Variants in DNAI7 observed in about 807,000 individuals in gnomAD.
DNAI7 encodes dynein axonemal intermediate chain 7.
In DNAI7, 78 loss-of-function variants were observed where a neutral mutation model predicts 86.6. The ratio of observed to expected loss-of-function variants is 0.90; its 90% CI spans 0.75 to 1.09. The LOEUF (loss-of-function observed/expected upper bound fraction) is 1.09. DNAI7 is among the 50% of genes least tolerant of loss of function. The pLI is 0.00. For missense variants in DNAI7, 753 were observed against 810.2 expected, an observed-to-expected ratio of 0.93 and a Z score of 0.86; for synonymous variants, 274 against 273.0, an observed-to-expected ratio of 1.00 and a Z score of -0.04.
rs745474771 is a variant in DNAI7 at position 25,195,114 on chromosome 12, C to G, written c.-36G>C. 1.2e-5 allele frequency: 19 copies of G among 1,609,518 alleles called. No individual in the cohort carries two copies. In the South Asian group the frequency reaches 2.1e-4, roughly 18 times the overall value. On this transcript the variant is annotated 5_prime_UTR_variant, in exon 1 of 16. Transcript: ENST00000395987. The stretch of plus-strand genomic sequence containing the variant: ...GCTCCACTGCAGTAGTCCGCAGAGT[C>G]GGAGCAGAAATTGTGTGGACAAACG...
intron 4 of DNAI7, among the ~76,000 whole-genome samples, chr12:25,155,883 G>A (rs1946099736): frequency 6.6e-6 from 1 of 152,170 alleles, no homozygotes; most frequent in African/African-American, 2.4e-5. Flanking sequence ...GCTGAGGCAG[G>A]CGGATCACTT....
At position 25,110,240 on chromosome 12, in the gene DNAI7, C is replaced by T. The variant is rs147804605; in HGVS notation, c.1780G>A (p.Val594Ile). Reference sequence around the variant, plus strand: ...TAAGCTTTCACTTCTACCAAAGGAACCTGTCAATATAAAAACAAATAGAAT... The same window carrying T: ...TAAGCTTTCACTTCTACCAAAGGAATCTGTCAATATAAAAACAAATAGAAT... ...SHFYVIINNKVPLVEVKAYRQ... is the reference protein window; with the variant it reads ...SHFYVIINNKIPLVEVKAYRQ... The change falls in exon 15 of 16, where the codon GTT becomes ATT. Residue 594 changes from valine (V) to isoleucine (I), a missense_variant and splice_region_variant. Transcript: ENST00000395987. The T allele has an allele frequency of 6.5e-6, 10 of 1,548,992 alleles. No homozygotes were observed. The African/African-American group carries it at 1.1e-4, about 17-fold the overall frequency.
intron 5 of DNAI7, 48 bp from the exon 6 acceptor site, chr12:25,154,504 A>G (rs1211596150): frequency 6.4e-7 from 1 of 1,564,052 alleles, no homozygotes; most frequent in East Asian, 2.3e-5. Flanking sequence ...AGATTCAACC[A>G]AAGATTAAAT....
At chr12:25,194,589 A>G (rs1267106199) in intron 1 of DNAI7, among the ~76,000 whole-genome samples, 1 of 152,218 alleles carries the variant, frequency 6.6e-6, no homozygotes, top group Non-Finnish European at 1.5e-5. Context: ...AAGCCTTATC[A>G]TATTTAACTA....
rs116901987 is a variant in DNAI7, at chr12:25,111,653, T to C, written c.1779+119A>G. The C allele has an allele frequency of 7.5e-3, 3,270 of 436,054 alleles. 19 individuals carry two copies. Among genetic ancestry groups the C allele is most frequent in the Middle Eastern group, 0.022 (25 of 1,114 alleles). 27.0% of individuals were successfully genotyped at this position (436,054 alleles called of 1,614,324 possible). A position where few individuals can be genotyped will look rare whatever the true frequency, so the allele number is the denominator to read the frequency against. The stretch of plus-strand genomic sequence containing the variant: ...TCTGGTCTTTTCACTTATTTCTTTA[T>C]AATACTGTATAAATGAATATATAAA... On this transcript the variant is annotated intron_variant, in intron 14 of 15. Transcript: ENST00000395987.
At chr12:25,144,780 T>A (rs1944620062) in intron 8 of DNAI7, 103 bp from the exon 9 acceptor site, 2 of 869,392 alleles carry the variant, frequency 2.3e-6, no homozygotes, top group Non-Finnish European at 3.5e-6. Context: ...TTAATTTTGC[T>A]CCAATTTTGA....
chr12:25,156,483 G>A (rs61351517), intron 4 of DNAI7, among the ~76,000 whole-genome samples: 3,416 of 152,210 alleles, frequency 0.022, 108 homozygotes, highest in African/African-American at 0.078. Flanking sequence ...GGCCTGGCGT[G>A]GTGGCTCACA....
Position 25,185,069 on chromosome 12 carries a change from T to C in DNAI7, c.21+5545A>G, listed in dbSNP as rs188167549. 5.4e-3 allele frequency among the ~76,000 whole-genome samples: 819 copies of C among 151,962 alleles called. 7 individuals carry two copies. The highest frequency in any genetic ancestry group is 8.2e-3 in the Non-Finnish European group (554 of 67,960). On this transcript the variant is annotated intron_variant, in intron 2 of 15. Coordinates refer to ENST00000395987, the MANE Select transcript of DNAI7 (RefSeq NM_018272.5). Reference sequence around the variant, plus strand: ...GGGAGGATCACTTGAGCCTGGGAGGTTGAGGCTACAGTTAGCTGTAATTAC... The same window carrying C: ...GGGAGGATCACTTGAGCCTGGGAGGCTGAGGCTACAGTTAGCTGTAATTAC...
intron 2 of DNAI7, among the ~76,000 whole-genome samples, chr12:25,184,979 A>AAAAG (rs1411502358): frequency 5.8e-4 from 88 of 150,716 alleles, no homozygotes; most frequent in African/African-American, 2.0e-3. Context: ...AAAAAAAAAA[A>AAAAG]AAAAGAAAGA....
intron 9 of DNAI7, 99 bp from the exon 10 acceptor site, chr12:25,123,385 T>A: frequency 1.5e-6 from 1 of 674,946 alleles, no homozygotes; most frequent in Non-Finnish European, 2.3e-6. Flanking sequence ...CCTGCTACCT[T>A]AATTCTAGGC....
chr12:25,140,818 A>C (rs930863188), intron 9 of DNAI7, among the ~76,000 whole-genome samples: 5 of 152,208 alleles, frequency 3.3e-5, no homozygotes, highest in Non-Finnish European at 7.3e-5. Context: ...CTATACTATT[A>C]AGCTATAGTC....
At chr12:25,118,189 C>G (rs534490576) in intron 12 of DNAI7, among the ~76,000 whole-genome samples, 69 of 151,990 alleles carry the variant, frequency 4.5e-4, no homozygotes, top group Admixed American at 9.8e-4. Context: ...CGCCTTGGCA[C>G]TCCAAAGTGC....
At chr12:25,147,568 T>C (rs1483479607) in intron 7 of DNAI7, among the ~76,000 whole-genome samples, 1 of 151,826 alleles carries the variant, frequency 6.6e-6, no homozygotes, top group Non-Finnish European at 1.5e-5. Flanking sequence ...TAGGTGGAAG[T>C]ATTGCTTGAG....
intron 2 of DNAI7, among the ~76,000 whole-genome samples, chr12:25,183,437 T>G (rs1367958254): frequency 6.6e-6 from 1 of 152,050 alleles, no homozygotes; most frequent in Non-Finnish European, 1.5e-5. Context: ...ACAAAAATCC[T>G]GATCACCACA....
At chr12:25,147,888 T>C (rs1312340557) in intron 7 of DNAI7, among the ~76,000 whole-genome samples, 1 of 152,220 alleles carries the variant, frequency 6.6e-6, no homozygotes, top group Non-Finnish European at 1.5e-5. Flanking sequence ...AGATAAGTCA[T>C]GTTTTCACTA....
At chr12:25,139,032 C>A (rs1943890644) in intron 9 of DNAI7, among the ~76,000 whole-genome samples, 1 of 151,930 alleles carries the variant, frequency 6.6e-6, no homozygotes, top group Non-Finnish European at 1.5e-5. Context: ...GATACTACAA[C>A]TGATAGCACA....
At chr12:25,138,280 T>C (rs1390351663) in intron 9 of DNAI7, among the ~76,000 whole-genome samples, 2 of 152,068 alleles carry the variant, frequency 1.3e-5, no homozygotes, top group African/African-American at 4.8e-5. Context: ...CCGGGCCAAA[T>C]GGTGAAACTC....
intron 2 of DNAI7, among the ~76,000 whole-genome samples, chr12:25,165,725 G>A (rs1164004573): frequency 6.6e-6 from 1 of 152,104 alleles, no homozygotes; most frequent in Non-Finnish European, 1.5e-5. Flanking sequence ...TCAATACGGA[G>A]CCTACCCATT....
intron 1 of DNAI7, chr12:25,194,795 C>CA: frequency 1.5e-6 from 2 of 1,362,508 alleles, no homozygotes; most frequent in South Asian, 2.6e-5. Context: ...AGGTTGGGAC[C>CA]AATTTTCAAG....
Sources: gnomAD v4.1 joint callset for allele counts (sites outside exome capture counted in the v4.1 genomes callset) on GRCh38, gnomAD v4.1.1 for gene constraint, MANE v1.5 for transcripts, NCBI Gene and HGNC (gene_info 2026-07-23, HGNC 2026-07-21) for gene names.